LARP1: variants seen among roughly 807,000 people sequenced by gnomAD.
The protein encoded by LARP1 is la-related protein 1.
A neutral mutation model predicts 122.7 loss-of-function variants in LARP1; 36 were observed. The ratio of observed to expected loss-of-function variants is 0.29; its 90% CI spans 0.22 to 0.39. The LOEUF is 0.39. Among genes scored for constraint, LARP1 ranks in the 10% least tolerant of loss-of-function variants. The probability of loss-of-function intolerance (pLI) is 1.00; values close to 1 mark genes in which losing one functional copy is unlikely to be tolerated. For missense variants in LARP1, 1,040 were observed against 1,403.6 expected, an observed-to-expected ratio of 0.74 and a Z score of 4.14; for synonymous variants, 539 against 528.7, an observed-to-expected ratio of 1.02 and a Z score of -0.27.
intron 1 of LARP1, among the ~76,000 whole-genome samples, chr5:154,723,189 C>G (rs759176222): frequency 6.6e-6 from 1 of 152,210 alleles, no homozygotes. Flanking sequence ...GATTTACCAA[C>G]AATGGGTTAA....
upstream of LARP1, among the ~76,000 whole-genome samples, chr5:154,754,525 A>G (rs1171737755): frequency 6.6e-6 from 1 of 152,256 alleles, no homozygotes; most frequent in African/African-American, 2.4e-5. Flanking sequence ...TCTTTAGAAA[A>G]AAAACGACAT....
chr5:154,813,992 G>A lies in LARP1; in HGVS notation c.3187G>A (p.Ala1063Thr). ...RCPSQSSSRP[A>T]AMISQPPTPP... is the part of the protein sequence containing the mutation. ...CCCCTCCCAGTCTTCCAGCAGGCCT[G>A]CTGCCATGATCAGCCAACCCCCTAC... Residue 1063 changes from alanine to threonine, a missense_variant, in exon 19 of 19, where the codon GCT becomes ACT. Ala to Thr is a moderately conservative substitution (Grantham distance 58). This residue lies in a region of LARP1 where 129 missense variants were observed against 160.8 expected (regional missense o/e 0.80). Coordinates refer to ENST00000518297, the MANE Select transcript of LARP1 (RefSeq NM_033551.3). 2 of 1,614,090 alleles carry A rather than the reference G, an allele frequency of 1.2e-6. No homozygotes were observed. The highest frequency in any genetic ancestry group is 1.7e-6 in the Non-Finnish European group (2 of 1,179,994).
At chr5:154,776,038 G>A (rs940622249) in intron 1 of LARP1, among the ~76,000 whole-genome samples, 1 of 152,146 alleles carries the variant, frequency 6.6e-6, no homozygotes, top group African/African-American at 2.4e-5. Flanking sequence ...GCCGGGCTTG[G>A]TGGCTTAACT....
intron 1 of LARP1, among the ~76,000 whole-genome samples, chr5:154,758,154 C>A (rs972226185): frequency 2.0e-5 from 3 of 151,926 alleles, no homozygotes; most frequent in Non-Finnish European, 4.4e-5. Flanking sequence ...TTAAATCAAC[C>A]GTGACATCAG....
chr5:154,794,636 T>C (rs918329812), intron 7 of LARP1, among the ~76,000 whole-genome samples: 5 of 152,204 alleles, frequency 3.3e-5, no homozygotes, highest in Non-Finnish European at 7.3e-5. Flanking sequence ...AGTCCTGCAG[T>C]TCTTATCTGT....
chr5:154,808,001 T>A (rs1758928257), intron 15 of LARP1, among the ~76,000 whole-genome samples: 1 of 152,252 alleles, frequency 6.6e-6, no homozygotes, highest in Non-Finnish European at 1.5e-5. Context: ...TTAATGATAT[T>A]CATTTTCTCT....
chr5:154,755,772 G>A lies in LARP1; in HGVS notation c.15G>A (p.Val5=), dbSNP rs1753815975. The A allele has an allele frequency of 1.0e-6, 1 of 989,312 alleles. No individual in the cohort carries two copies. Among genetic ancestry groups the A allele is most frequent in the Non-Finnish European group, 1.2e-6 (1 of 831,918 alleles). The allele number at this position is 989,312 out of a possible 1,614,324, so 61.3% of individuals were successfully genotyped here. The change falls in exon 1 of 19, where the codon GTG becomes GTA. Residue 5 remains valine (V), a synonymous_variant. Transcript: ENST00000518297. MATQ[V]EPLLPGGATL... ...CGGGCGCGCAGATGGCCACTCAGGT[G>A]GAGCCGCTGCTGCCTGGGGGCGCCA...
rs918565873 is a variant in LARP1 at position 154,802,254 on chromosome 5, G to A, written c.1964G>A (p.Arg655Gln). Residue 655 changes from arginine (R) to glutamine (Q), a missense_variant, in exon 11 of 19, where the codon CGG (arginine) becomes CAG (glutamine). Arg to Gln is a conservative substitution (Grantham distance 43, BLOSUM62 1). Transcript: ENST00000518297. This position sits in a 1 kb window ranked among gnomAD's most constrained non-coding sequence, Gnocchi z 5.1. ...ACCCAGACACCACATTACATGCGCC[G>A]GCACCCAGGGGGGGACCGCACAGGC... ...IVTQTPHYMRRHPGGDRTGNH... is the reference protein window; with the variant it reads ...IVTQTPHYMRQHPGGDRTGNH... 5.0e-6 allele frequency: 8 copies of A among 1,614,034 alleles called. No individual in the cohort carries two copies. Among genetic ancestry groups the A allele is most frequent in the Non-Finnish European group, 6.8e-6 (8 of 1,180,046 alleles).
At chr5:154,745,872 T>G (rs1419851523) in intron 1 of LARP1, among the ~76,000 whole-genome samples, 1 of 151,452 alleles carries the variant, frequency 6.6e-6, no homozygotes, top group Non-Finnish European at 1.5e-5. Flanking sequence ...TTCAGATCAC[T>G]GCAACCTCCG....
At chr5:154,748,709 G>T (rs1329782148) in intron 1 of LARP1, among the ~76,000 whole-genome samples, 1 of 152,122 alleles carries the variant, frequency 6.6e-6, no homozygotes, top group Non-Finnish European at 1.5e-5. Flanking sequence ...CTCACTTAAG[G>T]CTCACTGAAG....
chr5:154,715,656 C>T (rs1755459188), intron 1 of LARP1, among the ~76,000 whole-genome samples: 1 of 152,000 alleles, frequency 6.6e-6, no homozygotes, highest in Non-Finnish European at 1.5e-5. Context: ...AGAGTGAATG[C>T]GGGGTGTGTG....
chr5:154,768,578 T>A (rs902349488), intron 1 of LARP1, among the ~76,000 whole-genome samples: 2 of 151,716 alleles, frequency 1.3e-5, no homozygotes, highest in African/African-American at 2.4e-5. Flanking sequence ...TTATTTATTT[T>A]TATTTATTTA....
chr5:154,755,722 G>A lies in LARP1; in HGVS notation c.-36G>A, dbSNP rs2113542225. On this transcript the variant is annotated 5_prime_UTR_variant, in exon 1 of 19. Transcript: ENST00000518297. ...GTTCGAGGCGGGGGAGGCAGCCTCG[G>A]GCGCGCCCGGCTTCTCCGGGGGGGC... The A allele has an allele frequency of 7.1e-6, 7 of 987,664 alleles. No individual in the cohort carries two copies. The highest frequency in any genetic ancestry group is 2.3e-4 in the East Asian group (2 of 8,746). 61.2% of individuals were successfully genotyped at this position (987,664 alleles called of 1,614,324 possible).
chr5:154,781,827 TC>T (rs1383773886), intron 1 of LARP1, among the ~76,000 whole-genome samples: 1 of 152,232 alleles, frequency 6.6e-6, no homozygotes, highest in South Asian at 2.1e-4. Flanking sequence ...CATTAATTCT[TC>T]CATTGTGGCT....
chr5:154,800,843 C>T (rs1260653421), intron 10 of LARP1, among the ~76,000 whole-genome samples: 2 of 152,190 alleles, frequency 1.3e-5, no homozygotes, highest in African/African-American at 4.8e-5. Context: ...TACCTCTCAT[C>T]TCCTTTCTCT....
At position 154,799,954 on chromosome 5, in the gene LARP1, A is replaced by G. The variant is rs1758208399; in HGVS notation, c.1628A>G (p.Lys543Arg). 2.5e-6 allele frequency: 4 copies of G among 1,614,042 alleles called. No homozygotes were observed. Among genetic ancestry groups the G allele is most frequent in the African/African-American group, 2.7e-5 (2 of 74,930 alleles). The stretch of plus-strand genomic sequence containing the variant: ...GTCAGCAACCTAAAGACACTACCCA[A>G]GGGCCTGTCTGCCAGCCTGCCTGAC... Reference protein sequence around the residue: ...EEVSNLKTLPKGLSASLPDLD... With the variant: ...EEVSNLKTLPRGLSASLPDLD... Residue 543 changes from lysine (K) to arginine (R), a missense_variant, in exon 10 of 19, where the codon AAG (lysine) becomes AGG (arginine). Physicochemically the swap from Lys to Arg is conservative, Grantham distance 26 (BLOSUM62 2). Coordinates refer to ENST00000518297, the MANE Select transcript of LARP1 (RefSeq NM_033551.3).
At chr5:154,788,853 TGTC>T (rs1287334329) in intron 1 of LARP1, among the ~76,000 whole-genome samples, 5 of 152,226 alleles carry the variant, frequency 3.3e-5, no homozygotes, top group East Asian at 1.9e-4. Flanking sequence ...AGTTCTTACA[TGTC>T]GTTCTAGAGT....
chr5:154,717,635 C>T (rs971325937), intron 1 of LARP1, among the ~76,000 whole-genome samples: 1 of 152,158 alleles, frequency 6.6e-6, no homozygotes, highest in Non-Finnish European at 1.5e-5. Context: ...TAACACAGGA[C>T]ATTTAGGGAC....
chr5:154,768,104 T>C (rs1205434957), intron 1 of LARP1, among the ~76,000 whole-genome samples: 4 of 152,128 alleles, frequency 2.6e-5, no homozygotes, highest in Non-Finnish European at 5.9e-5. Context: ...AGGTGAGAGA[T>C]GAAGGGTTAG....
Sources: allele counts gnomAD v4.1 joint callset (sites outside exome capture counted in the v4.1 genomes callset), GRCh38; gene constraint gnomAD v4.1.1; regional missense constraint gnomAD v4.1.1; non-coding constraint Gnocchi (gnomAD v3.1); transcripts MANE v1.5; gene names NCBI Gene and HGNC (gene_info 2026-07-23, HGNC 2026-07-21).